SIMC1: variants seen among roughly 807,000 people sequenced by gnomAD.
SIMC1 encodes SUMO interacting motifs containing 1.
Under a neutral mutation model 82.3 loss-of-function variants are expected in SIMC1, and 55 were observed. That is an observed-to-expected ratio of 0.67 (90% CI 0.54 to 0.84). The LOEUF (loss-of-function observed/expected upper bound fraction) is 0.84, where lower values mean the gene tolerates loss of function less well. SIMC1 is among the 40% of genes least tolerant of loss of function. SIMC1 has a pLI of 0.00. For missense variants in SIMC1, 915 were observed against 1,107.2 expected (o/e 0.83, Z 2.46); for synonymous variants, 353 against 426.3 (o/e 0.83, Z 2.12).
intron 1 of SIMC1, among the ~76,000 whole-genome samples, chr5:176,253,755 G>C (rs930141411): frequency 4.6e-5 from 7 of 152,144 alleles, no homozygotes; most frequent in Non-Finnish European, 1.0e-4. Flanking sequence ...TGCTGGGCCA[G>C]CATTATTCTG....
chr5:176,339,955 G>A (rs1211162040), intron 9 of SIMC1, among the ~76,000 whole-genome samples: 3 of 152,164 alleles, frequency 2.0e-5, no homozygotes, highest in African/African-American at 7.2e-5. Context: ...TTCTGCGAGT[G>A]GTCTGTGGAT....
chr5:176,266,547 A>G (rs1762218825), intron 1 of SIMC1, among the ~76,000 whole-genome samples: 2 of 143,434 alleles, frequency 1.4e-5, no homozygotes, highest in African/African-American at 5.3e-5. Flanking sequence ...CAGGTTAAGT[A>G]TTAATATCTA....
At chr5:176,244,925 T>C (rs1485926675) in intron 1 of SIMC1, among the ~76,000 whole-genome samples, 1 of 152,066 alleles carries the variant, frequency 6.6e-6, no homozygotes, top group Non-Finnish European at 1.5e-5. Context: ...TTTACCATGT[T>C]GGTCAGGCTG....
At chr5:176,286,751 TC>T (rs1763304073) in intron 1 of SIMC1, among the ~76,000 whole-genome samples, 1 of 152,082 alleles carries the variant, frequency 6.6e-6, no homozygotes, top group South Asian at 2.1e-4. Context: ...AGGGCTAATA[TC>T]CAGAATCTAC....
At chr5:176,323,671 G>A (rs935456312) in intron 6 of SIMC1, among the ~76,000 whole-genome samples, 1 of 152,202 alleles carries the variant, frequency 6.6e-6, no homozygotes, top group Non-Finnish European at 1.5e-5. Context: ...TTTTCTTAAA[G>A]TAAAACCTTT....
At chr5:176,260,283 A>G (rs1274295375) in intron 1 of SIMC1, among the ~76,000 whole-genome samples, 2 of 152,134 alleles carry the variant, frequency 1.3e-5, no homozygotes, top group Non-Finnish European at 2.9e-5. Flanking sequence ...ATGCAAAGGC[A>G]TAAGAATGAC....
rs1666809602 is a variant in SIMC1 at position 176,247,013 on chromosome 5, G to T, written c.129+8376G>T. On this transcript the variant is annotated intron_variant, in intron 1 of 9. Transcript: ENST00000429602. ...TTTTCTTTATGCGTCTATCATTGAT[G>T]GGCATTTGGGTTGGTTCCAAGTCTT... 2.6e-5 allele frequency among the ~76,000 whole-genome samples: 4 copies of T among 152,206 alleles called. No individual in the cohort carries two copies. In the South Asian group the frequency reaches 8.3e-4, roughly 32 times the overall value.
At chr5:176,269,774 C>T (rs1762346977) in intron 1 of SIMC1, among the ~76,000 whole-genome samples, 1 of 152,064 alleles carries the variant, frequency 6.6e-6, no homozygotes, top group Non-Finnish European at 1.5e-5. Context: ...GAGATGACGC[C>T]TCACTCTATT....
intron 5 of SIMC1, among the ~76,000 whole-genome samples, chr5:176,316,619 G>T (rs1048816859): frequency 6.6e-6 from 1 of 151,982 alleles, no homozygotes; most frequent in Non-Finnish European, 1.5e-5. Context: ...AACCCAGGAG[G>T]TAGAGGTTGC....
chr5:176,247,501 G>C (rs1387984857), intron 1 of SIMC1, among the ~76,000 whole-genome samples: 1 of 151,944 alleles, frequency 6.6e-6, no homozygotes, highest in African/African-American at 2.4e-5. Context: ...GTAGATTCTG[G>C]ATATTAGCCC....
chr5:176,308,375 A>C, intron 4 of SIMC1: 1 of 1,578,482 alleles, frequency 6.3e-7, no homozygotes, highest in South Asian at 1.1e-5. Flanking sequence ...CAACAGAGGC[A>C]GAGAAGTTGG....
intron 1 of SIMC1, among the ~76,000 whole-genome samples, chr5:176,275,194 C>G (rs1475548272): frequency 6.6e-6 from 1 of 151,646 alleles, no homozygotes; most frequent in Non-Finnish European, 1.5e-5. Context: ...TCCTTCACGT[C>G]CCTTGTAAGT....
In SIMC1 at chr5:176,345,443, T is replaced by C. The variant is rs1299207823; in HGVS notation, c.2674T>C (p.Ter892ArgextTer6). Residue 892 changes from the stop codon to arginine (R), a stop_lost, in exon 10 of 10, where the codon TGA becomes CGA. Transcript: ENST00000429602. ...CTTTCAAAAGGGCTGGAGCGGCTCC[T>C]GAGGGCCTGCCAAGCACTGAATGCC... ...EPFQKGWSGS[*>R] is the part of the protein sequence containing the mutation. 5 of 1,611,606 alleles carry C rather than the reference T, an allele frequency of 3.1e-6. No homozygotes were observed. Among genetic ancestry groups the C allele is most frequent in the Non-Finnish European group, 4.2e-6 (5 of 1,178,556 alleles).
At chr5:176,286,725 T>A (rs998407654) in intron 1 of SIMC1, among the ~76,000 whole-genome samples, 101 of 152,312 alleles carry the variant, frequency 6.6e-4, no homozygotes, top group African/African-American at 2.1e-3. Flanking sequence ...ATTTTTGCAA[T>A]CTGCCCATCT....
At chr5:176,326,387 TTTTTTCTTTTTC>T (rs1227654270) in intron 7 of SIMC1, among the ~76,000 whole-genome samples, 3 of 152,086 alleles carry the variant, frequency 2.0e-5, no homozygotes, top group African/African-American at 7.2e-5. Flanking sequence ...TTTCTGTTTT[TTTTTTCTTTTTC>T]TTTTTCTTTA....
At chr5:176,259,393 T>C (rs1290031235) in intron 1 of SIMC1, among the ~76,000 whole-genome samples, 2 of 151,904 alleles carry the variant, frequency 1.3e-5, no homozygotes, top group Non-Finnish European at 1.5e-5. Context: ...GAGGTTGCAG[T>C]GAGCCAAGAT....
chr5:176,312,109 A>G (rs954564830), intron 4 of SIMC1, among the ~76,000 whole-genome samples: 1 of 152,252 alleles, frequency 6.6e-6, no homozygotes, highest in Non-Finnish European at 1.5e-5. Context: ...TCAAGAAATC[A>G]TAATAAAAGC....
At chr5:176,299,213 G>GA (rs1224653142) in intron 4 of SIMC1, among the ~76,000 whole-genome samples, 1 of 152,140 alleles carries the variant, frequency 6.6e-6, no homozygotes, top group Non-Finnish European at 1.5e-5. Context: ...AGACAACATA[G>GA]AAAGACTCTT....
intron 1 of SIMC1, among the ~76,000 whole-genome samples, chr5:176,285,560 C>G (rs1763231747): frequency 6.6e-6 from 1 of 152,020 alleles, no homozygotes; most frequent in East Asian, 1.9e-4. Flanking sequence ...TGGAAGCATT[C>G]CCTTTGAAAA....
Sources: allele counts gnomAD v4.1 joint callset (sites outside exome capture counted in the v4.1 genomes callset), GRCh38; gene constraint gnomAD v4.1.1; transcripts MANE v1.5; gene names NCBI Gene and HGNC (gene_info 2026-07-23, HGNC 2026-07-21).